HSD17B11: variants seen among roughly 807,000 people sequenced by gnomAD.
HSD17B11 encodes the protein hydroxysteroid 17-beta dehydrogenase 11.
In HSD17B11, 22 loss-of-function variants were observed where a neutral mutation model predicts 27.8. That is an observed-to-expected ratio of 0.79 (90% confidence interval 0.56 to 1.13). The LOEUF (loss-of-function observed/expected upper bound fraction) is 1.13, where lower values mean the gene tolerates loss of function less well. Ranked by LOEUF, HSD17B11 falls within the 50% of genes most tolerant of loss-of-function variation. The pLI, the probability that HSD17B11 is intolerant of heterozygous loss-of-function variation, is 0.00. For missense variants in HSD17B11, 314 were observed against 351.1 expected, an observed-to-expected ratio of 0.89 and a Z score of 0.84; for synonymous variants, 117 against 132.8, an observed-to-expected ratio of 0.88 and a Z score of 0.82.
intron 6 of HSD17B11, 90 bp from the exon 7 acceptor site, chr4:87,337,456 G>C (rs1252140546): frequency 4.1e-6 from 3 of 738,942 alleles, no homozygotes; most frequent in African/African-American, 3.6e-5. Context: ...AAGTTATCAT[G>C]TATAGTCATG....
chr4:87,387,026 C>T (rs1720338450), intron 1 of HSD17B11: 6 of 152,222 alleles, frequency 3.9e-5, no homozygotes, highest in Admixed American at 3.9e-4. Context: ...TGGTCTCCTT[C>T]ATGCCCACCG....
At chr4:87,338,852 G>A (rs1406539161) in intron 6 of HSD17B11, among the ~76,000 whole-genome samples, 1 of 152,096 alleles carries the variant, frequency 6.6e-6, no homozygotes, top group Admixed American at 6.5e-5. Flanking sequence ...TACTTTAAGA[G>A]CATTATTTTC....
At chr4:87,355,447 G>T (rs556175668) in intron 5 of HSD17B11, among the ~76,000 whole-genome samples, 49 of 151,418 alleles carry the variant, frequency 3.2e-4, no homozygotes, top group Middle Eastern at 3.4e-3. Context: ...TAAAGTCCAT[G>T]AGAAAAAAAT....
intron 5 of HSD17B11, among the ~76,000 whole-genome samples, chr4:87,356,306 T>G (rs1165870027): frequency 6.6e-6 from 1 of 152,252 alleles, no homozygotes; most frequent in East Asian, 1.9e-4. Flanking sequence ...TGAAAATATG[T>G]GTGCCCGAGG....
chr4:87,357,640 C>T (rs1735411903), intron 4 of HSD17B11, among the ~76,000 whole-genome samples: 1 of 152,176 alleles, frequency 6.6e-6, no homozygotes, highest in African/African-American at 2.4e-5. Flanking sequence ...TGCATCTTAG[C>T]ATCACTTACG....
At chr4:87,381,760 C>CAAAAAAAAA (rs33982875) in intron 2 of HSD17B11, among the ~76,000 whole-genome samples, 1 of 132,756 alleles carries the variant, frequency 7.5e-6, no homozygotes. Flanking sequence ...CCCCCCATCT[C>CAAAAAAAAA]AAAAAAAAAA....
At chr4:87,366,927 T>C (rs1387294240) in intron 4 of HSD17B11, among the ~76,000 whole-genome samples, 1 of 148,882 alleles carries the variant, frequency 6.7e-6, no homozygotes, top group East Asian at 1.9e-4. Flanking sequence ...AAAACTGAAG[T>C]AATTTTTTTT....
chr4:87,378,869 T>TAA (rs1342069049), intron 2 of HSD17B11, among the ~76,000 whole-genome samples: 2 of 18,792 alleles, frequency 1.1e-4, no homozygotes, highest in Non-Finnish European at 1.8e-4. Context: ...TATATATAAA[T>TAA]ATATATATAT....
chr4:87,353,664 G>T (rs937068728), intron 5 of HSD17B11, among the ~76,000 whole-genome samples: 1 of 152,180 alleles, frequency 6.6e-6, no homozygotes, highest in African/African-American at 2.4e-5. Flanking sequence ...GGAATTAATG[G>T]CACTAGTAAG....
intron 1 of HSD17B11, 44 bp from the exon 2 acceptor site, chr4:87,382,406 C>T (rs1720198704): frequency 9.1e-7 from 1 of 1,101,702 alleles, no homozygotes; most frequent in Non-Finnish European, 1.4e-6. Flanking sequence ...TTGATATGAA[C>T]ATATTATATC....
intron 5 of HSD17B11, among the ~76,000 whole-genome samples, chr4:87,343,611 G>A (rs1348949113): frequency 1.4e-5 from 2 of 145,720 alleles, no homozygotes; most frequent in Non-Finnish European, 3.0e-5. Context: ...GCAGTGGCAC[G>A]ATCTCAGCTC....
chr4:87,346,477 C>T (rs1578034441), intron 5 of HSD17B11, among the ~76,000 whole-genome samples: 1 of 152,006 alleles, frequency 6.6e-6, no homozygotes, highest in Admixed American at 6.6e-5. Flanking sequence ...GGCAAAACCC[C>T]CATCTCTACT....
rs58328540 is a variant in HSD17B11, at chr4:87,386,204, CT to C, written c.211-3843del. On this transcript the variant is annotated intron_variant, in intron 1 of 6. Transcript: ENST00000358290. ...TTTCCACACCTTCTGAATTGTGAAA[CT>C]TTTTTTTTTTTTTCTGAGATGGAGT... Among the ~76,000 whole-genome samples, 351 of 143,958 alleles carry C rather than the reference CT, an allele frequency of 2.4e-3. 2 individuals carry two copies. In the South Asian group the frequency reaches 0.029, roughly 12 times the overall value. The allele number at this position is 143,958 out of a possible 152,430, so 94.4% of individuals were successfully genotyped here.
intron 4 of HSD17B11, among the ~76,000 whole-genome samples, chr4:87,371,845 G>T (rs752184850): frequency 1.1e-4 from 16 of 152,128 alleles, no homozygotes; most frequent in Non-Finnish European, 7.4e-5. Flanking sequence ...TTCTCTAAGG[G>T]CTAGCAAAGC....
In HSD17B11 at chr4:87,355,132, T is replaced by C. The variant is rs114815951; in HGVS notation, c.695+2147A>G. Among the ~76,000 whole-genome samples, 1,251 of 151,868 alleles carry C rather than the reference T, an allele frequency of 8.2e-3. 13 individuals are homozygous for C. The highest frequency in any genetic ancestry group is 0.028 in the African/African-American group (1,173 of 41,398). On this transcript the variant is annotated intron_variant, in intron 5 of 6. Transcript: ENST00000358290. ...AAAAACAAAACAAAACCAAGCAAAATTGAATCTCATCATTACAATAAAATT... is the reference window on the plus strand; with the variant it reads ...AAAAACAAAACAAAACCAAGCAAAACTGAATCTCATCATTACAATAAAATT...
chr4:87,366,319 A>G (rs973237542), intron 4 of HSD17B11, among the ~76,000 whole-genome samples: 3 of 152,226 alleles, frequency 2.0e-5, no homozygotes, highest in Non-Finnish European at 4.4e-5. Flanking sequence ...AAAAAAATGT[A>G]AAGGGTTATA....
At chr4:87,344,319 A>G (rs1735227924) in intron 5 of HSD17B11, among the ~76,000 whole-genome samples, 1 of 152,258 alleles carries the variant, frequency 6.6e-6, no homozygotes, top group South Asian at 2.1e-4. Context: ...TTCAACAGAA[A>G]TAAATCTTGG....
chr4:87,339,193 T>TA (rs1183716756), intron 6 of HSD17B11, among the ~76,000 whole-genome samples: 1 of 152,204 alleles, frequency 6.6e-6, no homozygotes, highest in African/African-American at 2.4e-5. Context: ...AGTGCATACT[T>TA]ACGTAACATG....
Position 87,390,893 on chromosome 4 carries a change from T to TA in HSD17B11, c.177dup (p.Lys60Ter). 1 of 1,614,190 alleles carries TA rather than the reference T, an allele frequency of 6.2e-7. No homozygotes were observed. Among genetic ancestry groups the TA allele is most frequent in the Non-Finnish European group, 8.5e-7 (1 of 1,180,022 alleles). On this transcript the variant is annotated frameshift_variant, in exon 1 of 7. Coordinates refer to ENST00000358290, the MANE Select transcript of HSD17B11 (RefSeq NM_016245.5). LOFTEE classifies it high-confidence loss of function. The stretch of plus-strand genomic sequence containing the variant: ...ATATCCCAGAGAACCAGCTTGCTTT[T>TA]AAGTTTAGCAAATTCATAGGCAGTC...
Sources: gnomAD v4.1 joint callset for allele counts (sites outside exome capture counted in the v4.1 genomes callset) on GRCh38, gnomAD v4.1.1 for gene constraint, MANE v1.5 for transcripts, NCBI Gene and HGNC (gene_info 2026-07-23, HGNC 2026-07-21) for gene names.